The following FAM171A1 variants were observed in gnomAD, a reference collection of about 807,000 sequenced individuals.
FAM171A1 encodes family with sequence similarity 171 member A1, also known as protein FAM171A1.
Under a neutral mutation model 74.9 loss-of-function variants are expected in FAM171A1, and 23 were observed. That is an observed-to-expected ratio of 0.31 (90% CI 0.22 to 0.44). FAM171A1 has a LOEUF of 0.44. Ranked by LOEUF, FAM171A1 falls within the 20% of genes least tolerant of loss-of-function variation. FAM171A1 has a pLI of 1.00. For missense variants in FAM171A1, 1,162 were observed against 1,159.2 expected (o/e 1.00, Z -0.03); for synonymous variants, 527 against 505.7 (o/e 1.04, Z -0.57).
At chr10:15,265,035 A>G (rs1278475845) in intron 3 of FAM171A1, among the ~76,000 whole-genome samples, 1 of 152,212 alleles carries the variant, frequency 6.6e-6, no homozygotes, top group Non-Finnish European at 1.5e-5. Flanking sequence ...AGCAGGGCAC[A>G]TTTAAACATT....
intron 3 of FAM171A1, among the ~76,000 whole-genome samples, chr10:15,260,980 G>A (rs1834648535): frequency 6.6e-6 from 1 of 152,204 alleles, no homozygotes; most frequent in South Asian, 2.1e-4. Context: ...CCTGCAACGG[G>A]TCTACGACTG....
intron 1 of FAM171A1, among the ~76,000 whole-genome samples, chr10:15,344,813 A>C (rs577197897): frequency 6.6e-6 from 1 of 152,314 alleles, no homozygotes; most frequent in African/African-American, 2.4e-5. Flanking sequence ...TTACTGGATA[A>C]AAACATTTGC....
intron 5 of FAM171A1, among the ~76,000 whole-genome samples, chr10:15,231,421 T>G (rs1834203687): frequency 6.6e-6 from 1 of 152,048 alleles, no homozygotes; most frequent in African/African-American, 2.4e-5. Flanking sequence ...TGAGCAGGTC[T>G]CAAACTCTTG....
intron 5 of FAM171A1, among the ~76,000 whole-genome samples, chr10:15,231,165 T>C (rs1360135227): frequency 6.6e-6 from 1 of 152,230 alleles, no homozygotes; most frequent in Admixed American, 6.5e-5. Flanking sequence ...GTGCAGGTTC[T>C]GATCCAGAGG....
At chr10:15,303,411 C>T (rs561567989) in intron 1 of FAM171A1, among the ~76,000 whole-genome samples, 3 of 152,234 alleles carry the variant, frequency 2.0e-5, no homozygotes, top group East Asian at 1.9e-4. Flanking sequence ...CATCAGCATA[C>T]GGTATTTTCC....
intron 2 of FAM171A1, among the ~76,000 whole-genome samples, chr10:15,277,605 C>T (rs1349377426): frequency 6.6e-6 from 1 of 152,154 alleles, no homozygotes; most frequent in Admixed American, 6.5e-5. Context: ...ACCCAATATC[C>T]CACAGCTAAT....
intron 2 of FAM171A1, among the ~76,000 whole-genome samples, chr10:15,278,133 A>G (rs1265385528): frequency 1.3e-5 from 2 of 152,126 alleles, no homozygotes; most frequent in Admixed American, 1.3e-4. Flanking sequence ...CAGCCTCCAC[A>G]CAGTCAATTT....
chr10:15,267,603 A>C (rs1361026361), intron 3 of FAM171A1, among the ~76,000 whole-genome samples: 4 of 12,594 alleles, frequency 3.2e-4, no homozygotes, highest in East Asian at 7.9e-3. Flanking sequence ...CACCATCGCA[A>C]AAAAAAAAAA....
intron 3 of FAM171A1, among the ~76,000 whole-genome samples, chr10:15,274,500 C>T (rs545306820): frequency 3.9e-5 from 6 of 152,084 alleles, no homozygotes; most frequent in African/African-American, 1.2e-4. Context: ...CCATCAAGCT[C>T]CCAATGACTT....
intron 4 of FAM171A1, 26 bp downstream of exon 4, chr10:15,254,695 C>A (rs1318421465): frequency 4.4e-6 from 7 of 1,608,248 alleles, no homozygotes; most frequent in African/African-American, 1.3e-5. Context: ...GTAACTCCCA[C>A]TGAAAAGAGA....
At chr10:15,292,851 A>G (rs755930538) in intron 1 of FAM171A1, among the ~76,000 whole-genome samples, 24 of 152,174 alleles carry the variant, frequency 1.6e-4, no homozygotes, top group Non-Finnish European at 2.8e-4. Context: ...CACAATTATC[A>G]TGCCTAACTA....
At chr10:15,232,137 G>T (rs60757408) in intron 5 of FAM171A1, among the ~76,000 whole-genome samples, 37,656 of 152,000 alleles carry the variant, frequency 0.25, 5,622 homozygotes, top group South Asian at 0.45. Flanking sequence ...AGATGCCATT[G>T]TGTCCTTGCC....
chr10:15,259,042 A>G (rs1418191689), intron 3 of FAM171A1, among the ~76,000 whole-genome samples: 1 of 151,976 alleles, frequency 6.6e-6, no homozygotes, highest in African/African-American at 2.4e-5. Flanking sequence ...TCACTCTAAA[A>G]TCATCATCTA....
intron 1 of FAM171A1, among the ~76,000 whole-genome samples, chr10:15,311,594 A>T (rs1835360003): frequency 6.6e-6 from 1 of 152,190 alleles, no homozygotes; most frequent in Non-Finnish European, 1.5e-5. Context: ...GCTCTAAAGC[A>T]TTCTTCTGGG....
At position 15,283,949 on chromosome 10, in the gene FAM171A1, T is replaced by C. The variant is rs1835002771; in HGVS notation, c.254A>G (p.Gln85Arg). The C allele has an allele frequency of 1.2e-6, 2 of 1,614,038 alleles. No individual in the cohort carries two copies. Among genetic ancestry groups the C allele is most frequent in the Admixed American group, 3.3e-5 (2 of 60,000 alleles). ...FIKFQYKLGS[Q>R]LIVTASKHAY... ...ATGCTTCGAGGCGGTGACAATCAACTGACTGCCCAGCTTATACTGGAACTT... is the reference window on the plus strand; with the variant it reads ...ATGCTTCGAGGCGGTGACAATCAACCGACTGCCCAGCTTATACTGGAACTT... Residue 85 changes from glutamine (Q) to arginine (R), a missense_variant, in exon 2 of 8, where the codon CAG (glutamine) becomes CGG (arginine). Coordinates refer to ENST00000378116, the MANE Select transcript of FAM171A1 (RefSeq NM_001010924.2).
intron 5 of FAM171A1, among the ~76,000 whole-genome samples, chr10:15,245,589 T>C (rs980702967): frequency 2.0e-5 from 3 of 152,240 alleles, no homozygotes; most frequent in African/African-American, 7.2e-5. Context: ...ATTATTGCCA[T>C]TTCACAGTGG....
intron 1 of FAM171A1, among the ~76,000 whole-genome samples, chr10:15,366,358 G>A (rs1347287203): frequency 6.6e-6 from 1 of 152,096 alleles, no homozygotes; most frequent in Non-Finnish European, 1.5e-5. Flanking sequence ...GACCTCAAGC[G>A]ATCCACCCAC....
intron 1 of FAM171A1, among the ~76,000 whole-genome samples, chr10:15,369,288 T>A (rs1020511979): frequency 2.7e-5 from 4 of 150,720 alleles, no homozygotes; most frequent in Non-Finnish European, 5.9e-5. Flanking sequence ...AATATTTCCA[T>A]ATATTGGTAT....
chr10:15,297,396 T>G (rs1835174442), intron 1 of FAM171A1, among the ~76,000 whole-genome samples: 1 of 152,134 alleles, frequency 6.6e-6, no homozygotes, highest in African/African-American at 2.4e-5. Flanking sequence ...CATAACGTAC[T>G]CTTTCTCACC....
Sources: allele counts gnomAD v4.1 joint callset (sites outside exome capture counted in the v4.1 genomes callset), GRCh38; gene constraint gnomAD v4.1.1; transcripts MANE v1.5; gene names NCBI Gene and HGNC (gene_info 2026-07-23, HGNC 2026-07-21).